VEPH1: variants seen among roughly 807,000 people sequenced by gnomAD.
VEPH1 encodes ventricular zone-expressed PH domain-containing protein homolog 1.
A neutral mutation model predicts 85.2 loss-of-function variants in VEPH1; 80 were observed. The ratio of observed to expected loss-of-function variants is 0.94; its 90% confidence interval spans 0.78 to 1.13. The LOEUF (loss-of-function observed/expected upper bound fraction) is 1.13, where lower values mean the gene tolerates loss of function less well. VEPH1 is among the 50% of genes most tolerant of loss of function. VEPH1 has a pLI of 0.00. For synonymous variants in VEPH1, 297 were observed against 348.0 expected (o/e 0.85, Z 1.63); for missense variants, 955 against 980.5 (o/e 0.97, Z 0.35).
intron 11 of VEPH1, among the ~76,000 whole-genome samples, chr3:157,299,157 T>C (rs936283712): frequency 5.3e-5 from 8 of 152,218 alleles, no homozygotes; most frequent in African/African-American, 1.7e-4. Flanking sequence ...TAGTGAAACT[T>C]AGCTTCTAAC....
chr3:157,421,716 TA>T (rs758944802), intron 5 of VEPH1, among the ~76,000 whole-genome samples: 6 of 152,140 alleles, frequency 3.9e-5, no homozygotes, highest in Non-Finnish European at 8.8e-5. Context: ...GCTCTAGTTC[TA>T]GGGGTGCTGG....
chr3:157,481,466 A>ACACACACACACACAC (rs60332684), intron 2 of VEPH1, among the ~76,000 whole-genome samples: 39 of 48,204 alleles, frequency 8.1e-4, no homozygotes, highest in African/African-American at 3.0e-3. Context: ...ACACACACAC[A>ACACACACACACACAC]AAAAAAAAAA....
At chr3:157,290,852 T>C (rs1023115680) in intron 11 of VEPH1, among the ~76,000 whole-genome samples, 2 of 152,162 alleles carry the variant, frequency 1.3e-5, no homozygotes, top group African/African-American at 4.8e-5. Flanking sequence ...TTTGGAAAAC[T>C]CTATAATAAG....
At chr3:157,328,074 T>C (rs1722121077) in intron 9 of VEPH1, among the ~76,000 whole-genome samples, 1 of 152,200 alleles carries the variant, frequency 6.6e-6, no homozygotes, top group Non-Finnish European at 1.5e-5. Flanking sequence ...GGAACACTAA[T>C]AAGAGCTCCT....
chr3:157,320,758 T>A (rs1397469297), intron 9 of VEPH1, among the ~76,000 whole-genome samples: 2 of 152,152 alleles, frequency 1.3e-5, no homozygotes, highest in African/African-American at 4.8e-5. Context: ...TGTGTTAAAA[T>A]ACCAAATATA....
chr3:157,361,029 C>T (rs1415892596), intron 9 of VEPH1, among the ~76,000 whole-genome samples: 1 of 152,172 alleles, frequency 6.6e-6, no homozygotes, highest in African/African-American at 2.4e-5. Flanking sequence ...TTTATCTTTG[C>T]TATTGACTCC....
chr3:157,449,668 G>A (rs1734811686), intron 4 of VEPH1, among the ~76,000 whole-genome samples: 1 of 151,974 alleles, frequency 6.6e-6, no homozygotes, highest in African/African-American at 2.4e-5. Flanking sequence ...TTGGCTATCT[G>A]TTTCACTTTA....
intron 6 of VEPH1, among the ~76,000 whole-genome samples, chr3:157,413,131 T>G (rs1731650136): frequency 6.6e-6 from 1 of 152,146 alleles, no homozygotes; most frequent in Admixed American, 6.6e-5. Flanking sequence ...TCTCAGTCAA[T>G]TATAGATTTG....
At chr3:157,435,216 T>G (rs1371158189) in intron 4 of VEPH1, among the ~76,000 whole-genome samples, 1 of 152,346 alleles carries the variant, frequency 6.6e-6, no homozygotes, top group South Asian at 2.1e-4. Context: ...TATTTTCTAG[T>G]TTTTTGGCTG....
At chr3:157,302,597 T>C (rs1718930976) in intron 11 of VEPH1, among the ~76,000 whole-genome samples, 1 of 152,242 alleles carries the variant, frequency 6.6e-6, no homozygotes, top group Admixed American at 6.5e-5. Context: ...GAATCTGCCT[T>C]GATCTCGGGC....
intron 6 of VEPH1, among the ~76,000 whole-genome samples, chr3:157,389,959 CT>C (rs1729701682): frequency 6.6e-6 from 1 of 152,162 alleles, no homozygotes; most frequent in Non-Finnish European, 1.5e-5. Context: ...ACTAATTGGG[CT>C]TTTCTTTCAT....
intron 12 of VEPH1, among the ~76,000 whole-genome samples, chr3:157,269,642 G>GTTTTTTTTTTTTTTTTTTTGT (rs11408861): frequency 3.5e-5 from 4 of 115,454 alleles, no homozygotes; most frequent in Admixed American, 9.1e-5. Context: ...TGTTTTTGTT[G>GTTTTTTTTTTTTTTTTTTTGT]TTTTTTTTTT....
intron 9 of VEPH1, among the ~76,000 whole-genome samples, chr3:157,321,477 T>C (rs1377388404): frequency 6.6e-6 from 1 of 152,232 alleles, no homozygotes; most frequent in Non-Finnish European, 1.5e-5. Flanking sequence ...TTCATCTTTA[T>C]GAAGCAGGCT....
intron 9 of VEPH1, among the ~76,000 whole-genome samples, chr3:157,339,232 C>A (rs1316378603): frequency 2.0e-5 from 3 of 152,208 alleles, no homozygotes; most frequent in African/African-American, 7.2e-5. Flanking sequence ...CCCACCTGGA[C>A]CTGAGACCCC....
chr3:157,423,334 C>A (rs1467826994), intron 5 of VEPH1, among the ~76,000 whole-genome samples: 1 of 152,192 alleles, frequency 6.6e-6, no homozygotes, highest in African/African-American at 2.4e-5. Context: ...TCTAGCCTTG[C>A]TCCTCAAAAT....
chr3:157,339,466 C>G (rs1404535920), intron 9 of VEPH1, among the ~76,000 whole-genome samples: 1 of 152,204 alleles, frequency 6.6e-6, no homozygotes, highest in Non-Finnish European at 1.5e-5. Flanking sequence ...GTTCCTCACC[C>G]TGTGCTGTTG....
chr3:157,353,977 T>C lies in VEPH1; in HGVS notation c.1735+9387A>G, dbSNP rs138500327. 2.8e-3 allele frequency among the ~76,000 whole-genome samples: 428 copies of C among 152,288 alleles called. 5 individuals carry two copies. In the East Asian group the frequency reaches 0.043, roughly 15 times the overall value. On this transcript the variant is annotated intron_variant, in intron 9 of 13. Coordinates refer to ENST00000362010, the MANE Select transcript of VEPH1 (RefSeq NM_001167912.2). ...GATTTTTAGGGCAGTGAAATTACTC[T>C]GTTTGAAACTACAATAACGGACGCA...
At chr3:157,450,295 G>A (rs543405369) in intron 4 of VEPH1, among the ~76,000 whole-genome samples, 2 of 151,952 alleles carry the variant, frequency 1.3e-5, no homozygotes, top group South Asian at 2.1e-4. Context: ...GAGCTCAAGC[G>A]ATCCTCTCAC....
Position 157,363,395 on chromosome 3 carries a change from C to A in VEPH1, c.1704G>T (p.Lys568Asn). The change falls in exon 9 of 14, where the codon AAG becomes AAT. Residue 568 changes from lysine to asparagine, a missense_variant. Lys to Asn is a moderately conservative substitution (Grantham distance 94, BLOSUM62 0). Transcript: ENST00000362010. ...TGGTACACTGATCAGGGACTGGAAT[C>A]TTCTTTCCAATTTCCATGGCATATG... ...VKAYAMEIGK[K>N]IPVPDQCTIE... 1 of 1,610,120 alleles carries A rather than the reference C, an allele frequency of 6.2e-7. No homozygotes were observed. The highest frequency in any genetic ancestry group is 8.5e-7 in the Non-Finnish European group (1 of 1,179,110).
Sources: gnomAD v4.1 joint callset for allele counts (sites outside exome capture counted in the v4.1 genomes callset) on GRCh38, gnomAD v4.1.1 for gene constraint, MANE v1.5 for transcripts, NCBI Gene and HGNC (gene_info 2026-07-23, HGNC 2026-07-21) for gene names.